TRDN: variants seen among roughly 807,000 people sequenced by gnomAD.
The protein encoded by TRDN is triadin.
A neutral mutation model predicts 149.7 loss-of-function variants in TRDN; 161 were observed. That is an observed-to-expected ratio of 1.08 (90% confidence interval 0.95 to 1.23). The LOEUF (loss-of-function observed/expected upper bound fraction) is 1.23, where lower values mean the gene tolerates loss of function less well. Among genes scored for constraint, TRDN ranks in the 50% most tolerant of loss-of-function variants. The pLI, the probability that TRDN is intolerant of heterozygous loss-of-function variation, is 0.00. For missense variants in TRDN, 896 were observed against 823.5 expected (o/e 1.09, Z -1.08); for synonymous variants, 294 against 250.5 (o/e 1.17, Z -1.64).
At chr6:123,613,297 TTAAAA>T (rs1784906806) in intron 1 of TRDN, among the ~76,000 whole-genome samples, 1 of 152,202 alleles carries the variant, frequency 6.6e-6, no homozygotes, top group South Asian at 2.1e-4. Context: ...CCAATTTCAA[TTAAAA>T]TAAACGTAAT....
chr6:123,305,983 T>C (rs1316971730), intron 24 of TRDN, among the ~76,000 whole-genome samples: 1 of 152,176 alleles, frequency 6.6e-6, no homozygotes, highest in Non-Finnish European at 1.5e-5. Flanking sequence ...TATGTTTTGT[T>C]GGTTACCTTC....
intron 10 of TRDN, among the ~76,000 whole-genome samples, chr6:123,444,087 T>C (rs1461200126): frequency 2.7e-5 from 4 of 148,160 alleles, no homozygotes; most frequent in Non-Finnish European, 5.9e-5. Context: ...GGGGATGGCA[T>C]TGAATCTGTA....
intron 24 of TRDN, among the ~76,000 whole-genome samples, chr6:123,285,198 A>G (rs1179047354): frequency 6.6e-6 from 1 of 152,154 alleles, no homozygotes; most frequent in East Asian, 1.9e-4. Context: ...AAATCCTAGA[A>G]TTCATATGGA....
chr6:123,228,023 C>T (rs984275601), intron 38 of TRDN, among the ~76,000 whole-genome samples: 11 of 96,680 alleles, frequency 1.1e-4, no homozygotes, highest in African/African-American at 3.2e-4. Context: ...AGCCACTGTT[C>T]TAAACATAAT....
intron 24 of TRDN, among the ~76,000 whole-genome samples, chr6:123,303,976 C>T (rs1778516451): frequency 2.0e-5 from 3 of 152,084 alleles, no homozygotes; most frequent in African/African-American, 7.2e-5. Flanking sequence ...TTGGGAGACA[C>T]ATAACTTCGT....
chr6:123,595,745 A>G (rs1344195900), intron 1 of TRDN, among the ~76,000 whole-genome samples: 1 of 152,018 alleles, frequency 6.6e-6, no homozygotes, highest in Non-Finnish European at 1.5e-5. Flanking sequence ...TTACTGTTGT[A>G]TTTGTTTGCA....
chr6:123,300,029 T>C (rs1778346305), intron 24 of TRDN, among the ~76,000 whole-genome samples: 1 of 152,070 alleles, frequency 6.6e-6, no homozygotes, highest in Non-Finnish European at 1.5e-5. Flanking sequence ...GTCAAGTGTT[T>C]AAGAAGCTTC....
At chr6:123,280,732 G>A (rs1257574762) in intron 24 of TRDN, among the ~76,000 whole-genome samples, 2 of 148,774 alleles carry the variant, frequency 1.3e-5, no homozygotes, top group Admixed American at 6.7e-5. Context: ...CTGATGCAGC[G>A]GAATTGCTTA....
chr6:123,586,346 G>T, intron 1 of TRDN, among the ~76,000 whole-genome samples: 1 of 152,198 alleles, frequency 6.6e-6, no homozygotes, highest in Non-Finnish European at 1.5e-5. Flanking sequence ...CTGGCGAGGA[G>T]GGGAGAGGTC....
intron 10 of TRDN, among the ~76,000 whole-genome samples, chr6:123,443,216 A>AAT (rs780752740): frequency 1.0e-4 from 15 of 149,284 alleles, no homozygotes; most frequent in African/African-American, 3.4e-4. Flanking sequence ...GTATGTATAT[A>AAT]ATATATATAT....
intron 38 of TRDN, among the ~76,000 whole-genome samples, chr6:123,227,821 C>A (rs1775443021): frequency 6.6e-6 from 1 of 151,872 alleles, no homozygotes; most frequent in African/African-American, 2.4e-5. Context: ...CATCCTGGCT[C>A]ACTGCAACCT....
chr6:123,597,861 AAAG>A (rs1784109101), intron 1 of TRDN, among the ~76,000 whole-genome samples: 1 of 152,138 alleles, frequency 6.6e-6, no homozygotes, highest in Admixed American at 6.6e-5. Context: ...CTGGGATACC[AAAG>A]AATTAGTGTG....
chr6:123,564,029 A>C (rs1376055857), intron 2 of TRDN, among the ~76,000 whole-genome samples: 1 of 152,186 alleles, frequency 6.6e-6, no homozygotes, highest in Non-Finnish European at 1.5e-5. Context: ...ATAATCTAAG[A>C]ATTAAGAACA....
chr6:123,430,853 C>T (rs974103150), intron 12 of TRDN, among the ~76,000 whole-genome samples: 11 of 152,074 alleles, frequency 7.2e-5, no homozygotes, highest in Non-Finnish European at 1.5e-5. Flanking sequence ...ATTGTTCAAA[C>T]CAAAAGTGAA....
chr6:123,312,122 T>G (rs902320088), intron 24 of TRDN, among the ~76,000 whole-genome samples: 3 of 151,962 alleles, frequency 2.0e-5, no homozygotes, highest in Non-Finnish European at 4.4e-5. Flanking sequence ...CTGCTTTAAC[T>G]TATTTTACAA....
At chr6:123,458,646 T>A (rs1242541507) in intron 10 of TRDN, among the ~76,000 whole-genome samples, 1 of 152,192 alleles carries the variant, frequency 6.6e-6, no homozygotes, top group Non-Finnish European at 1.5e-5. Context: ...GATAGATGTC[T>A]CCTACTGGTT....
chr6:123,291,247 G>A (rs766861690), intron 24 of TRDN, among the ~76,000 whole-genome samples: 6 of 151,988 alleles, frequency 3.9e-5, no homozygotes, highest in Non-Finnish European at 8.8e-5. Flanking sequence ...TTGTCCTAGA[G>A]TAACATGACT....
At chr6:123,438,220 T>A (rs1476828944) in intron 11 of TRDN, 98 bp from the exon 12 acceptor site, 1 of 836,208 alleles carries the variant, frequency 1.2e-6, no homozygotes, top group African/African-American at 1.8e-5. Context: ...ATTTATCTTG[T>A]ATAGAGAAAT....
chr6:123,526,665 T>G (rs1779967240), intron 5 of TRDN, among the ~76,000 whole-genome samples: 1 of 152,052 alleles, frequency 6.6e-6, no homozygotes, highest in African/African-American at 2.4e-5. Context: ...TATACAGTAT[T>G]TCATCCATAG....
Sources: allele counts gnomAD v4.1 joint callset (sites outside exome capture counted in the v4.1 genomes callset), GRCh38; gene constraint gnomAD v4.1.1; transcripts MANE v1.5; gene names NCBI Gene and HGNC (gene_info 2026-07-23, HGNC 2026-07-21).